The following NCOR2 variants were observed in gnomAD, a reference collection of about 807,000 sequenced individuals.
NCOR2 encodes CTG repeat protein 26.
Under a neutral mutation model 262.9 loss-of-function variants are expected in NCOR2, and 81 were observed. That is an observed-to-expected ratio of 0.31 (90% CI 0.26 to 0.37). The LOEUF is 0.37. Ranked by LOEUF, NCOR2 falls within the 10% of genes least tolerant of loss-of-function variation. NCOR2 has a pLI of 1.00. For synonymous variants in NCOR2, 1,659 were observed against 1,559.3 expected (o/e 1.06, Z -1.51); for missense variants, 3,385 against 3,621.4 (o/e 0.93, Z 1.68).
chr12:124,335,384 T>A, intron 39 of NCOR2, 99 bp downstream of exon 41: 3 of 1,511,656 alleles, frequency 2.0e-6, no homozygotes, highest in Non-Finnish European at 2.6e-6. Context: ...AGCCAATTCC[T>A]TGGCCTTTAG....
At chr12:124,498,761 A>G (rs1308100035), upstream of NCOR2, among the ~76,000 whole-genome samples, 1 of 152,240 alleles carries the variant, frequency 6.6e-6, no homozygotes, top group East Asian at 1.9e-4. Context: ...AGGCAGACCC[A>G]GCAAAAATTC....
At chr12:124,480,195 C>T (rs368887603) in intron 3 of NCOR2, among the ~76,000 whole-genome samples, 2 of 152,232 alleles carry the variant, frequency 1.3e-5, no homozygotes, top group African/African-American at 4.8e-5. Context: ...CCAGTCCCCA[C>T]CGCCCACCCC....
In NCOR2 at chr12:124,454,826, G is replaced by A. The variant is rs961666779; in HGVS notation, c.762+2280C>T. Among the ~76,000 whole-genome samples, 13 of 152,122 alleles carry A rather than the reference G, an allele frequency of 8.5e-5. No individual in the cohort carries two copies. The highest frequency in any genetic ancestry group is 1.9e-4 in the African/African-American group (8 of 41,400). On this transcript the variant is annotated intron_variant, in intron 6 of 46. Coordinates refer to ENST00000405201, the Ensembl canonical transcript of NCOR2. The surrounding 1 kb of genome is among the most constrained non-coding windows in gnomAD (Gnocchi z 5.6). ...GTACACACCCAGGAGAAATGAAGAC[G>A]TACGTTCACATGGAAACGGCACACT...
At chr12:124,388,248 T>G (rs1273503891) in intron 16 of NCOR2, among the ~76,000 whole-genome samples, 1 of 152,116 alleles carries the variant, frequency 6.6e-6, no homozygotes, top group East Asian at 1.9e-4. Flanking sequence ...CCAGAGTGGG[T>G]GTCCCATTAG....
intron 17 of NCOR2, among the ~76,000 whole-genome samples, chr12:124,382,841 A>G (rs1428011086): frequency 6.6e-6 from 1 of 152,202 alleles, no homozygotes; most frequent in Non-Finnish European, 1.5e-5. Context: ...ACAAAAAGAA[A>G]CACACTTGTT....
rs1329257865 is a variant in NCOR2, at chr12:124,549,789, G to A, written c.-164-14178C>T. On this transcript the variant is annotated intron_variant, in intron 1 of 32. Transcript: ENST00000458234. The surrounding 1 kb of genome is among the most constrained non-coding windows in gnomAD (Gnocchi z 4.4). ...CCTTATCACGTTTCACGGAGGGAGA[G>A]AGGGCGGCAGGAACGGGGCCTTGAG... is the stretch of plus-strand genomic sequence containing the variant. Among the ~76,000 whole-genome samples the A allele has an allele frequency of 2.0e-5, 3 of 152,196 alleles. No individual in the cohort carries two copies. The highest frequency in any genetic ancestry group is 4.8e-5 in the African/African-American group (2 of 41,434).
intron 16 of NCOR2, among the ~76,000 whole-genome samples, chr12:124,394,196 C>T (rs930908174): frequency 6.6e-6 from 1 of 152,238 alleles, no homozygotes; most frequent in Admixed American, 6.5e-5. Context: ...CTACTGTATA[C>T]CAAGGACTGT....
At position 124,433,220 on chromosome 12, in the gene NCOR2, C is replaced by G. The variant is rs564034370; in HGVS notation, c.883-2433G>C. On this transcript the variant is annotated intron_variant, in intron 8 of 46. Coordinates refer to ENST00000405201, the Ensembl canonical transcript of NCOR2. ...ACGCGCTGGAGATCAAGAGGCAGTT[C>G]TGGTGACAGACAACGGCCACACGTG... 2.6e-5 allele frequency among the ~76,000 whole-genome samples: 4 copies of G among 152,332 alleles called. No individual in the cohort carries two copies. In the East Asian group the frequency reaches 7.7e-4, roughly 29 times the overall value.
chr12:124,390,845 G>C (rs577687928), intron 16 of NCOR2, among the ~76,000 whole-genome samples: 2 of 152,264 alleles, frequency 1.3e-5, no homozygotes, highest in Admixed American at 6.5e-5. Flanking sequence ...GTTCTGAAGA[G>C]TCAGGAGGCA....
exon 11 of NCOR2, chr12:124,426,720 G>C: frequency 6.2e-7 from 1 of 1,611,122 alleles, no homozygotes; most frequent in South Asian, 1.1e-5. Flanking sequence ...CGTTCATGTT[G>C]ATGAACTTGA....
intron 1 of NCOR2, among the ~76,000 whole-genome samples, chr12:124,494,008 C>T (rs182620956): frequency 2.9e-4 from 44 of 152,298 alleles, no homozygotes; most frequent in Admixed American, 2.7e-3. Flanking sequence ...AACTGCCGTC[C>T]TAAGAGGGAT....
intron 3 of NCOR2, among the ~76,000 whole-genome samples, chr12:124,476,025 C>T (rs902408608): frequency 2.0e-5 from 3 of 152,204 alleles, no homozygotes; most frequent in African/African-American, 7.2e-5. Flanking sequence ...AGAAAAACTC[C>T]CTAGAAAAAG....
In NCOR2 at chr12:124,493,764, A is replaced by G. The variant is rs563509628; in HGVS notation, c.105+1383T>C. On this transcript the variant is annotated intron_variant, in intron 1 of 46. Coordinates refer to ENST00000405201, the Ensembl canonical transcript of NCOR2. ...TAAAATCATTTCCCACTGGGAGTCTATTCCTTAGCCCCAGGCACGCAGTAG... is the reference window on the plus strand; with the variant it reads ...TAAAATCATTTCCCACTGGGAGTCTGTTCCTTAGCCCCAGGCACGCAGTAG... Among the ~76,000 whole-genome samples the G allele has an allele frequency of 5.3e-4, 80 of 152,322 alleles. No homozygotes were observed. In the Middle Eastern group the frequency reaches 0.01, roughly 19 times the overall value.
Position 124,363,818 on chromosome 12 carries a change from C to T in NCOR2, c.2808-19G>A. 7.5e-7 allele frequency: 1 copy of T among 1,331,302 alleles called. No individual in the cohort carries two copies. 82.5% of individuals were successfully genotyped at this position (1,331,302 alleles called of 1,614,324 possible). ...CAGCAGCCTGCGGGCACACGAGCAC[C>T]ATCAGCTGGGGGCCCACAGCCGGAC... On this transcript the variant is annotated intron_variant, in intron 20 of 46. Transcript: ENST00000405201.
intron 20 of NCOR2, among the ~76,000 whole-genome samples, chr12:124,367,886 G>A (rs2039163543): frequency 6.6e-6 from 1 of 152,206 alleles, no homozygotes; most frequent in Non-Finnish European, 1.5e-5. Flanking sequence ...CACCCACCTT[G>A]GCTTCCCAAA....
chr12:124,415,694 A>G (rs1484467323), intron 13 of NCOR2, among the ~76,000 whole-genome samples: 1 of 152,220 alleles, frequency 6.6e-6, no homozygotes, highest in Non-Finnish European at 1.5e-5. Flanking sequence ...CTGGAACGGC[A>G]GCTTCAGCAG....
At chr12:124,342,860 T>G in intron 33 of NCOR2, 145 bp downstream of exon 35, 1 of 792,506 alleles carries the variant, frequency 1.3e-6, no homozygotes, top group Non-Finnish European at 2.0e-6. Context: ...GATTACACTG[T>G]TGGGTCTTCC....
At position 124,378,391 on chromosome 12, in the gene NCOR2, C is replaced by G. The variant is rs754454887; in HGVS notation, c.2020-7G>C. On this transcript the variant is annotated splice_polypyrimidine_tract_variant and splice_region_variant and intron_variant, in intron 17 of 46. Transcript: ENST00000405201. The surrounding 1 kb of genome is among the most constrained non-coding windows in gnomAD (Gnocchi z 4.2). ...GCGCGTTCCTCTCCTTCTCCTGGGG[C>G]ACAGGGAAGCAGCAGATCAGGACTG... 1 of 1,608,380 alleles carries G rather than the reference C, an allele frequency of 6.2e-7. No individual in the cohort carries two copies. Among genetic ancestry groups the G allele is most frequent in the East Asian group, 2.2e-5 (1 of 44,818 alleles).
intron 7 of NCOR2, among the ~76,000 whole-genome samples, chr12:124,439,321 ACAGAGG>A (rs2044662419): frequency 9.9e-6 from 1 of 100,732 alleles, no homozygotes; most frequent in South Asian, 3.4e-4. Flanking sequence ...AGACCCAGAG[ACAGAGG>A]GAGAGACAGA....
Sources: allele counts gnomAD v4.1 joint callset (sites outside exome capture counted in the v4.1 genomes callset), GRCh38; gene constraint gnomAD v4.1.1; non-coding constraint Gnocchi (gnomAD v3.1); transcripts MANE v1.5; gene names NCBI Gene and HGNC (gene_info 2026-07-23, HGNC 2026-07-21).